The following CSMD3 variants were observed in gnomAD, a reference collection of about 807,000 sequenced individuals.
CSMD3 encodes the protein CUB and Sushi multiple domains 3, also known as CUB and sushi domain-containing protein 3.
Under a neutral mutation model 435.2 loss-of-function variants are expected in CSMD3, and 177 were observed. The observed-to-expected ratio is 0.41, with a 90% CI of 0.36 to 0.46. The LOEUF is 0.46. CSMD3 is among the 20% of genes least tolerant of loss of function. The pLI is 0.34. For synonymous variants in CSMD3, 1,656 were observed against 1,520.5 expected, an observed-to-expected ratio of 1.09 and a Z score of -2.07; for missense variants, 4,265 against 4,504.6, an observed-to-expected ratio of 0.95 and a Z score of 1.52.
At chr8:112,307,132 G>GA (rs895360530) in intron 50 of CSMD3, among the ~76,000 whole-genome samples, 1 of 148,848 alleles carries the variant, frequency 6.7e-6, no homozygotes, top group Non-Finnish European at 1.5e-5. Flanking sequence ...TTTGTTTTTT[G>GA]TTTTTTTTTG....
At chr8:112,569,144 A>G (rs1829297507) in intron 24 of CSMD3, among the ~76,000 whole-genome samples, 1 of 152,180 alleles carries the variant, frequency 6.6e-6, no homozygotes, top group Non-Finnish European at 1.5e-5. Flanking sequence ...TAAAAGGAGT[A>G]TATGCGGTTG....
intron 5 of CSMD3, among the ~76,000 whole-genome samples, chr8:113,083,118 T>C (rs944878436): frequency 6.6e-6 from 1 of 152,146 alleles, no homozygotes; most frequent in African/African-American, 2.4e-5. Flanking sequence ...ATTAAAGTGA[T>C]AGATTTTGGC....
Position 112,485,092 on chromosome 8 carries a change from A to T in CSMD3, c.5278+7397T>A, listed in dbSNP as rs141477183. 1.3e-3 allele frequency among the ~76,000 whole-genome samples: 192 copies of T among 152,262 alleles called. 1 individual carries two copies. Among genetic ancestry groups the T allele is most frequent in the African/African-American group, 4.6e-3 (190 of 41,566 alleles). The stretch of plus-strand genomic sequence containing the variant: ...CTAGCATCCAGGAGGCCAACTGGAG[A>T]CAGAGTGTATGTAAGACTGTCAGAA... On this transcript the variant is annotated intron_variant, in intron 31 of 70. Coordinates refer to ENST00000297405, the MANE Select transcript of CSMD3 (RefSeq NM_198123.2).
rs1485292511 is a variant in CSMD3, at chr8:113,246,001, G to A, written c.514+32591C>T. ...ATCTTATTGAAGATCCCTTATGTGT[G>A]ATTAGTTGTTTTTCTTTTACTGCTT... is the stretch of plus-strand genomic sequence containing the variant. On this transcript the variant is annotated intron_variant, in intron 3 of 70. Transcript: ENST00000297405. 2.0e-5 allele frequency among the ~76,000 whole-genome samples: 3 copies of A among 151,986 alleles called. No individual in the cohort carries two copies. In the East Asian group the frequency reaches 5.8e-4, roughly 29 times the overall value.
chr8:112,506,039 A>C (rs1288994719), intron 29 of CSMD3, among the ~76,000 whole-genome samples: 1 of 152,132 alleles, frequency 6.6e-6, no homozygotes, highest in East Asian at 1.9e-4. Context: ...TGGGGATAGT[A>C]ATAGTACTTA....
At chr8:112,965,216 G>T (rs10505198) in intron 7 of CSMD3, among the ~76,000 whole-genome samples, 1 of 151,870 alleles carries the variant, frequency 6.6e-6, no homozygotes, top group Non-Finnish European at 1.5e-5. Context: ...AGTCACATAC[G>T]CCACATTCAC....
chr8:112,410,754 T>G (rs1811241727), intron 32 of CSMD3, among the ~76,000 whole-genome samples: 1 of 145,654 alleles, frequency 6.9e-6, no homozygotes, highest in Admixed American at 7.0e-5. Context: ...TGTTTTTGCA[T>G]TAGATTAGTG....
rs1814508789 is a variant in CSMD3 at position 112,244,512 on chromosome 8, T to C, written c.10284A>G (p.Pro3428=). ...TATAAATCAGTGTATACCCATGAGA[T>C]GGAAGGTCCATCCCTACGACATTTG... ...AHANVVGMDL[P]SHGYTLIYTC... The change falls in exon 65 of 71, where the codon CCA becomes CCG. Residue 3428 remains proline (P), a synonymous_variant. Transcript: ENST00000297405. 1 of 1,613,854 alleles carries C rather than the reference T, an allele frequency of 6.2e-7. No homozygotes were observed. Among genetic ancestry groups the C allele is most frequent in the Non-Finnish European group, 8.5e-7 (1 of 1,179,808 alleles).
intron 10 of CSMD3, among the ~76,000 whole-genome samples, chr8:112,870,283 T>C (rs1349364249): frequency 6.6e-6 from 1 of 151,562 alleles, no homozygotes. Flanking sequence ...TTTTTTTTTT[T>C]TTTGAGACGG....
intron 6 of CSMD3, among the ~76,000 whole-genome samples, chr8:113,017,214 G>A (rs1455715037): frequency 1.3e-5 from 2 of 151,796 alleles, no homozygotes; most frequent in South Asian, 2.1e-4. Flanking sequence ...TTTCAGTGCC[G>A]AAAACGCATA....
chr8:112,589,143 G>C (rs1830968885), intron 22 of CSMD3, among the ~76,000 whole-genome samples: 1 of 152,082 alleles, frequency 6.6e-6, no homozygotes, highest in South Asian at 2.1e-4. Context: ...TGCACTTTCT[G>C]GTTAAAATAC....
intron 8 of CSMD3, among the ~76,000 whole-genome samples, chr8:112,950,229 T>A (rs2130809510): frequency 6.6e-6 from 1 of 152,104 alleles, no homozygotes; most frequent in Non-Finnish European, 1.5e-5. Flanking sequence ...CCACCTTATA[T>A]TTGTTATCAA....
At chr8:113,182,024 T>C (rs2092428303) in intron 3 of CSMD3, among the ~76,000 whole-genome samples, 1 of 152,064 alleles carries the variant, frequency 6.6e-6, no homozygotes, top group African/African-American at 2.4e-5. Context: ...CACTGTATTT[T>C]AGCAGTTAAT....
chr8:112,969,902 T>G (rs1175510886), intron 7 of CSMD3, among the ~76,000 whole-genome samples: 1 of 151,986 alleles, frequency 6.6e-6, no homozygotes, highest in African/African-American at 2.4e-5. Flanking sequence ...GACAAATAAC[T>G]CCTTGAGAAA....
intron 1 of CSMD3, among the ~76,000 whole-genome samples, chr8:113,415,485 C>A (rs1009927449): frequency 6.6e-6 from 1 of 152,116 alleles, no homozygotes. Context: ...AAGGTAAAAT[C>A]TTCCACGACT....
chr8:112,364,681 C>A (rs546026830), intron 38 of CSMD3, among the ~76,000 whole-genome samples: 23 of 151,994 alleles, frequency 1.5e-4, no homozygotes, highest in Admixed American at 1.2e-3. Context: ...AGTGGCAGGA[C>A]AACTGGAAAG....
At chr8:112,692,489 A>G (rs2076159136) in intron 13 of CSMD3, among the ~76,000 whole-genome samples, 2 of 152,170 alleles carry the variant, frequency 1.3e-5, no homozygotes, top group Admixed American at 1.3e-4. Flanking sequence ...AGTGAAATAT[A>G]TTCAGTTCAA....
chr8:112,458,627 C>T (rs16883625), intron 32 of CSMD3, among the ~76,000 whole-genome samples: 2,668 of 152,174 alleles, frequency 0.018, 81 homozygotes, highest in African/African-American at 0.061. Flanking sequence ...AAGGCCAAGA[C>T]TGCCAAGCTT....
chr8:113,294,059 A>C lies in CSMD3; in HGVS notation c.402-15355T>G, dbSNP rs1056215343. ...TAAATACTGTTTTACATCAGAACTC[A>C]CTGTACTCTCTGAGCCATTAGATAT... On this transcript the variant is annotated intron_variant, in intron 2 of 70. Coordinates refer to ENST00000297405, the MANE Select transcript of CSMD3 (RefSeq NM_198123.2). 2.6e-5 allele frequency among the ~76,000 whole-genome samples: 4 copies of C among 151,994 alleles called. No homozygotes were observed. The South Asian group carries it at 6.2e-4, about 24-fold the overall frequency.
Sources: allele counts gnomAD v4.1 joint callset (sites outside exome capture counted in the v4.1 genomes callset), GRCh38; gene constraint gnomAD v4.1.1; transcripts MANE v1.5; gene names NCBI Gene and HGNC (gene_info 2026-07-23, HGNC 2026-07-21).